The following SPATC1L variants were observed in gnomAD, a reference collection of about 807,000 sequenced individuals.
SPATC1L encodes the protein spermatogenesis and centriole associated 1 like.
In SPATC1L, 20 loss-of-function variants were observed where a neutral mutation model predicts 21.2. That is an observed-to-expected ratio of 0.94 (90% CI 0.66 to 1.37). The LOEUF is 1.37. Among genes scored for constraint, SPATC1L ranks in the 40% most tolerant of loss-of-function variants. The pLI, the probability that SPATC1L is intolerant of heterozygous loss-of-function variation, is 0.00. For missense variants in SPATC1L, 499 were observed against 478.7 expected, an observed-to-expected ratio of 1.04 and a Z score of -0.40; for synonymous variants, 290 against 234.5, an observed-to-expected ratio of 1.24 and a Z score of -2.16.
intron 3 of SPATC1L, among the ~76,000 whole-genome samples, chr21:46,165,628 C>T (rs1251491006): frequency 6.7e-6 from 1 of 149,092 alleles, no homozygotes; most frequent in African/African-American, 2.5e-5. Flanking sequence ...AAAAGGACAA[C>T]ATGAGTATGA....
At position 46,161,985 on chromosome 21, in the gene SPATC1L, G is replaced by T. The variant is rs202009773; in HGVS notation, c.627C>A (p.Ala209=). Residue 209 remains alanine (A), a synonymous_variant, in exon 4 of 5, where the codon GCC becomes GCA. Coordinates refer to ENST00000291672, the MANE Select transcript of SPATC1L (RefSeq NM_001142854.2). Reference sequence around the variant, plus strand: ...GCCGCGTCACGCCCGGGAACACGTAGGCCAGGATGCGGCGGTCCAGCTGGA... The same window carrying T: ...GCCGCGTCACGCCCGGGAACACGTATGCCAGGATGCGGCGGTCCAGCTGGA... ...IAFQLDRRIL[A]YVFPGVTRLY... is the part of the protein sequence containing the mutation. 5 of 1,607,148 alleles carry T rather than the reference G, an allele frequency of 3.1e-6. No homozygotes were observed. In the Admixed American group the frequency reaches 8.4e-5, roughly 27 times the overall value.
chr21:46,170,027 G>A (rs28475226), intron 2 of SPATC1L, among the ~76,000 whole-genome samples: 3 of 77,134 alleles, frequency 3.9e-5, no homozygotes, highest in Non-Finnish European at 7.9e-5. Context: ...TGCTCTGTGA[G>A]CATCCTCTGT....
rs937341718 is a variant in SPATC1L at position 46,183,250 on chromosome 21, T to G, written c.-434A>C. ...CACCCGAGTAACATGTGGGCTGCAC[T>G]TCCCATAGGACCTGCCCAGGACACA... On this transcript the variant is annotated 5_prime_UTR_variant, in exon 2 of 5. Coordinates refer to ENST00000291672, the MANE Select transcript of SPATC1L (RefSeq NM_001142854.2). 2 of 183,168 alleles carry G rather than the reference T, an allele frequency of 1.1e-5. No homozygotes were observed. The highest frequency in any genetic ancestry group is 1.6e-4 in the East Asian group (1 of 6,210). 11.3% of individuals were successfully genotyped at this position (183,168 alleles called of 1,614,324 possible).
intron 2 of SPATC1L, among the ~76,000 whole-genome samples, chr21:46,181,475 C>T (rs2079673423): frequency 1.3e-5 from 2 of 152,224 alleles, no homozygotes; most frequent in African/African-American, 4.8e-5. Flanking sequence ...CTTCCAGACA[C>T]GCTCGCTCTC....
chr21:46,182,984 GC>G lies in SPATC1L; in HGVS notation c.-169del, dbSNP rs1179209182. On this transcript the variant is annotated 5_prime_UTR_variant, in exon 2 of 5. An upstream open reading frame in the 5' UTR loses its in-frame stop. Transcript: ENST00000291672. The stretch of plus-strand genomic sequence containing the variant: ...CTAGTGATGAGGTGCCCAGCACCCT[GC>G]CTGCCCCCGCGATGGCTCATGGCCC... The G allele has an allele frequency of 1.4e-6, 1 of 709,920 alleles. No individual in the cohort carries two copies. Among genetic ancestry groups the G allele is most frequent in the African/African-American group, 1.8e-5 (1 of 54,086 alleles). The allele number at this position is 709,920 out of a possible 1,614,324, so 44.0% of individuals were successfully genotyped here.
intron 1 of SPATC1L, among the ~76,000 whole-genome samples, chr21:46,184,119 A>G (rs1235076843): frequency 5.3e-5 from 8 of 151,870 alleles, no homozygotes; most frequent in African/African-American, 1.9e-4. Context: ...CCAGCAGTGC[A>G]TGTCCACCCC....
At chr21:46,171,064 C>T (rs905640592) in intron 2 of SPATC1L, among the ~76,000 whole-genome samples, 7 of 152,334 alleles carry the variant, frequency 4.6e-5, no homozygotes, top group East Asian at 3.9e-4. Flanking sequence ...TGTGGTCTGA[C>T]GCTGGGCTCA....
chr21:46,178,272 A>T (rs1279316657), intron 2 of SPATC1L, among the ~76,000 whole-genome samples: 1 of 151,448 alleles, frequency 6.6e-6, no homozygotes, highest in East Asian at 1.9e-4. Context: ...ATGAGATCAT[A>T]TCCTTTGCAT....
At position 46,161,595 on chromosome 21, in the gene SPATC1L, GTC is replaced by G. The variant is rs2079491253; in HGVS notation, c.805_806del (p.Asp269ArgfsTer?). ...GGAACTCGCTGAACGCCGGGTGCAC[GTC>G]GCGGCTGTAGCCCAGCTTCTCCAGG... Reference protein sequence around the residue: ...ARLEKLGYSRDVHPAFSEFLI... With the variant: ...ARLEKLGYSRXVHPAFSEFLI... On this transcript the variant is annotated frameshift_variant, in exon 5 of 5. Transcript: ENST00000291672. LOFTEE classifies it high-confidence loss of function. 6.2e-7 allele frequency: 1 copy of G among 1,610,106 alleles called. No homozygotes were observed. Among genetic ancestry groups the G allele is most frequent in the African/African-American group, 1.3e-5 (1 of 74,872 alleles).
intron 2 of SPATC1L, among the ~76,000 whole-genome samples, chr21:46,174,343 A>C (rs934051520): frequency 8.9e-4 from 59 of 65,972 alleles, no homozygotes; most frequent in Non-Finnish European, 1.2e-3. Context: ...AAAAAACAAA[A>C]CAAAAAAAAA....
intron 2 of SPATC1L, among the ~76,000 whole-genome samples, chr21:46,178,232 C>CAAAAAAAAAAA (rs59110880): frequency 2.5e-5 from 1 of 39,454 alleles, no homozygotes; most frequent in Non-Finnish European, 4.8e-5. Context: ...AACTCCATCT[C>CAAAAAAAAAAA]AAAAAAAAAA....
At chr21:46,172,163 G>C (rs2330406) in intron 2 of SPATC1L, among the ~76,000 whole-genome samples, 1 of 112,406 alleles carries the variant, frequency 8.9e-6, no homozygotes, top group Non-Finnish European at 1.8e-5. Flanking sequence ...AGAGCGTGAG[G>C]CGGGGGATGC....
Position 46,174,360 on chromosome 21 carries a change from A to G in SPATC1L, c.194-5702T>C, listed in dbSNP as rs373483044. Among the ~76,000 whole-genome samples, 419 of 147,510 alleles carry G rather than the reference A, an allele frequency of 2.8e-3. 27 individuals carry two copies. In the South Asian group the frequency reaches 0.074, roughly 26 times the overall value. On this transcript the variant is annotated intron_variant, in intron 2 of 4. Coordinates refer to ENST00000291672, the MANE Select transcript of SPATC1L (RefSeq NM_001142854.2). ...AAAACAAAACAAAAAAAAAAAAAAA[A>G]CAGAATGGCAAGCTAGATAAAGAAC...
At chr21:46,165,404 C>G (rs2079532916) in intron 3 of SPATC1L, among the ~76,000 whole-genome samples, 1 of 152,236 alleles carries the variant, frequency 6.6e-6, no homozygotes, top group Non-Finnish European at 1.5e-5. Context: ...TAAAGGTTTA[C>G]TGACTGTCTT....
In SPATC1L at chr21:46,168,474, G is replaced by C; in HGVS notation, c.378C>G (p.His126Gln). Reference sequence around the variant, plus strand: ...GGGACAGCTTCCTGTCGGTGCCTCGGTGGCTATGTGGCTCTGGGGGACTGA... The same window carrying C: ...GGGACAGCTTCCTGTCGGTGCCTCGCTGGCTATGTGGCTCTGGGGGACTGA... ...AFLSPPEPHS[H>Q]RGTDRKLSPL... Residue 126 changes from histidine to glutamine, a missense_variant, in exon 3 of 5, where the codon CAC (histidine) becomes CAG (glutamine). His to Gln is a conservative substitution (Grantham distance 24). Coordinates refer to ENST00000291672, the MANE Select transcript of SPATC1L (RefSeq NM_001142854.2). 1.3e-6 allele frequency: 2 copies of C among 1,577,582 alleles called. No homozygotes were observed. The highest frequency in any genetic ancestry group is 1.7e-6 in the Non-Finnish European group (2 of 1,161,318).
intron 2 of SPATC1L, among the ~76,000 whole-genome samples, chr21:46,172,180 C>T (rs1405456960): frequency 3.8e-5 from 5 of 132,992 alleles, no homozygotes; most frequent in East Asian, 2.2e-4. Context: ...ATGCACAGAG[C>T]GTGAGGCGGA....
intron 2 of SPATC1L, among the ~76,000 whole-genome samples, chr21:46,169,384 A>T (rs2079566333): frequency 1.1e-5 from 1 of 95,050 alleles, no homozygotes; most frequent in Non-Finnish European, 2.1e-5. Flanking sequence ...TCCTCTGTGG[A>T]TGGGGAGGAG....
Position 46,168,359 on chromosome 21 carries a change from C to A in SPATC1L, c.493G>T (p.Glu165Ter). 1 of 1,605,012 alleles carries A rather than the reference C, an allele frequency of 6.2e-7. No homozygotes were observed. The highest frequency in any genetic ancestry group is 1.3e-5 in the African/African-American group (1 of 74,878). Reference protein sequence around the residue: ...MVRPKKVCFSESSLPTGDRTR... With the variant: ...MVRPKKVCFS Reference sequence around the variant, plus strand: ...CTGTCCCCGGTGGGCAGGCTGCTCTCCGAGAAACACACCTTCTTAGGCCGG... The same window carrying A: ...CTGTCCCCGGTGGGCAGGCTGCTCTACGAGAAACACACCTTCTTAGGCCGG... The change falls in exon 3 of 5, where the codon GAG becomes TAG. Residue 165 changes from glutamate (E) to a stop codon, truncating the protein, a stop_gained. Coordinates refer to ENST00000291672, the MANE Select transcript of SPATC1L (RefSeq NM_001142854.2). LOFTEE classifies it high-confidence loss of function.
rs780514397 is a variant in SPATC1L at position 46,168,456 on chromosome 21, C to T, written c.396G>A (p.Lys132=). ...GCAAGGGGCTCAGGAGCGGGGACAGCTTCCTGTCGGTGCCTCGGTGGCTAT... is the reference window on the plus strand; with the variant it reads ...GCAAGGGGCTCAGGAGCGGGGACAGTTTCCTGTCGGTGCCTCGGTGGCTAT... ...EPHSHRGTDR[K]LSPLLSPLQD... Residue 132 remains lysine (K), a synonymous_variant, in exon 3 of 5, where the codon AAG becomes AAA. Transcript: ENST00000291672. The T allele has an allele frequency of 2.9e-5, 47 of 1,600,126 alleles. No homozygotes were observed. The highest frequency in any genetic ancestry group is 3.6e-5 in the Non-Finnish European group (42 of 1,173,124).
Sources: allele counts gnomAD v4.1 joint callset (sites outside exome capture counted in the v4.1 genomes callset), GRCh38; gene constraint gnomAD v4.1.1; transcripts MANE v1.5; gene names NCBI Gene and HGNC (gene_info 2026-07-23, HGNC 2026-07-21).